The following PCDHA11 variants were observed in gnomAD, a reference collection of about 807,000 sequenced individuals.
PCDHA11 encodes protocadherin alpha 11.
In PCDHA11, 61 loss-of-function variants were observed where a neutral mutation model predicts 70.3. That is an observed-to-expected ratio of 0.87 (90% CI 0.71 to 1.07). The LOEUF (loss-of-function observed/expected upper bound fraction) is 1.07. Among genes scored for constraint, PCDHA11 ranks in the 50% least tolerant of loss-of-function variants. PCDHA11 has a pLI of 0.00. For synonymous variants in PCDHA11, 633 were observed against 555.1 expected (o/e 1.14, Z -1.97); for missense variants, 1,324 against 1,237.5 (o/e 1.07, Z -1.05).
intron 1 of PCDHA11, chr5:140,877,542 A>G (rs782391639): frequency 1.9e-6 from 3 of 1,613,752 alleles, no homozygotes; most frequent in Non-Finnish European, 2.5e-6. Flanking sequence ...TGGATCCCGA[A>G]GCGGCTCTGG....
At chr5:140,874,154 C>A (rs1554167062) in intron 1 of PCDHA11, among the ~76,000 whole-genome samples, 1 of 152,102 alleles carries the variant, frequency 6.6e-6, no homozygotes, top group African/African-American at 2.4e-5. Flanking sequence ...TAGAGCCATT[C>A]TTGGTTACTC....
At chr5:140,884,938 G>A (rs2060412389) in intron 1 of PCDHA11, among the ~76,000 whole-genome samples, 1 of 152,106 alleles carries the variant, frequency 6.6e-6, no homozygotes, top group African/African-American at 2.4e-5. Context: ...TCTTGCAATT[G>A]AGCATTTACA....
rs1455444799 is a variant in PCDHA11, at chr5:140,876,953, T to C, written c.2391+5459T>C. On this transcript the variant is annotated intron_variant, in intron 1 of 3. Coordinates refer to ENST00000398640, the MANE Select transcript of PCDHA11 (RefSeq NM_018902.5). ...AAGAACGCGCTGGTGTCCTACTCGCTGGTGGAGCGGCGGGTGGGCGAGCAC... is the reference window on the plus strand; with the variant it reads ...AAGAACGCGCTGGTGTCCTACTCGCCGGTGGAGCGGCGGGTGGGCGAGCAC... The C allele has an allele frequency of 1.1e-5, 17 of 1,613,306 alleles. No homozygotes were observed. Among genetic ancestry groups the C allele is most frequent in the Non-Finnish European group, 1.4e-5 (17 of 1,179,866 alleles).
intron 3 of PCDHA11, among the ~76,000 whole-genome samples, chr5:140,986,896 A>G (rs1221599593): frequency 2.6e-5 from 4 of 152,184 alleles, no homozygotes; most frequent in African/African-American, 4.8e-5. Context: ...CTTAGGCCCT[A>G]TCCTAGACTA....
chr5:140,939,967 C>T (rs527732118), intron 1 of PCDHA11, among the ~76,000 whole-genome samples: 8 of 152,210 alleles, frequency 5.3e-5, no homozygotes, highest in African/African-American at 1.7e-4. Context: ...AAGTGTTCCA[C>T]GATGAATAGT....
At chr5:140,982,237 G>T (rs2096973071) in intron 2 of PCDHA11, 1 of 665,404 alleles carries the variant, frequency 1.5e-6, no homozygotes, top group East Asian at 3.5e-5. Context: ...AAACAGAATT[G>T]CCATAAAGAT....
intron 1 of PCDHA11, chr5:140,884,247 C>T: frequency 6.2e-7 from 1 of 1,613,398 alleles, no homozygotes. Context: ...CCCGCGCTGA[C>T]GGCCACGGCA....
chr5:140,928,616 G>A, intron 1 of PCDHA11: 2 of 1,614,226 alleles, frequency 1.2e-6, no homozygotes, highest in Non-Finnish European at 8.5e-7. Flanking sequence ...CGCTCTGCCA[G>A]GACTGGACAC....
chr5:141,007,084 AAG>A lies in PCDHA11; in HGVS notation c.2540-2538_2540-2537del, dbSNP rs576927752. On this transcript the variant is annotated intron_variant, in intron 3 of 3. Transcript: ENST00000398640. ...AGGAGAGAGTGAAGAGAAAATAGAG[AAG>A]AGAGTCTAGGGCCAAACCCAAGGAA... Among the ~76,000 whole-genome samples, 32 of 152,274 alleles carry A rather than the reference AAG, an allele frequency of 2.1e-4. No individual in the cohort carries two copies. The East Asian group carries it at 3.3e-3, about 16-fold the overall frequency.
intron 1 of PCDHA11, among the ~76,000 whole-genome samples, chr5:140,977,960 A>G (rs760810328): frequency 9.2e-5 from 14 of 152,142 alleles, no homozygotes; most frequent in Non-Finnish European, 1.3e-4. Flanking sequence ...GGCCACCTCA[A>G]TCTCCGCCCA....
At chr5:140,921,750 C>T (rs2080373281) in intron 1 of PCDHA11, among the ~76,000 whole-genome samples, 2 of 152,056 alleles carry the variant, frequency 1.3e-5, no homozygotes, top group African/African-American at 4.8e-5. Context: ...CATAACAGGA[C>T]ACTTCTTGGC....
In PCDHA11 at chr5:140,928,021, T is replaced by G. The variant is rs1554205382; in HGVS notation, c.2392-50928T>G. ...CCTCGATTCTAATGGTAGGGTCATT[T>G]GTGGCATGTCTAGTGCAGGCCCTTT... On this transcript the variant is annotated intron_variant, in intron 1 of 3. Coordinates refer to ENST00000398640, the MANE Select transcript of PCDHA11 (RefSeq NM_018902.5). 3 of 1,614,220 alleles carry G rather than the reference T, an allele frequency of 1.9e-6. No individual in the cohort carries two copies. The African/African-American group carries it at 4.0e-5, about 22-fold the overall frequency.
In PCDHA11 at chr5:140,966,787, A is replaced by C. The variant is rs781920865; in HGVS notation, c.2392-12162A>C. 5.9e-5 allele frequency: 90 copies of C among 1,526,700 alleles called. No homozygotes were observed. Among genetic ancestry groups the C allele is most frequent in the Non-Finnish European group, 7.7e-5 (88 of 1,139,948 alleles). The allele number at this position is 1,526,700 out of a possible 1,614,324, so 94.6% of individuals were successfully genotyped here. On this transcript the variant is annotated intron_variant, in intron 1 of 3. Coordinates refer to ENST00000398640, the MANE Select transcript of PCDHA11 (RefSeq NM_018902.5). ...TGGCTATGGAGCAGGCGGGCACCAG[A>C]CCTGCGGCGACAGAGCATCCACGGC...
rs782044159 is a variant in PCDHA11 at position 140,883,367 on chromosome 5, G to T, written c.2391+11873G>T. On this transcript the variant is annotated intron_variant, in intron 1 of 3. Transcript: ENST00000398640. Reference sequence around the variant, plus strand: ...CATCAGAGAAGACACTCAGCCTAGCGCCATTATTGCCCTAATCAGTGTGTC... The same window carrying T: ...CATCAGAGAAGACACTCAGCCTAGCTCCATTATTGCCCTAATCAGTGTGTC... The T allele has an allele frequency of 5.6e-6, 9 of 1,614,006 alleles. No homozygotes were observed. Among genetic ancestry groups the T allele is most frequent in the Non-Finnish European group, 7.6e-6 (9 of 1,180,038 alleles).
intron 1 of PCDHA11, among the ~76,000 whole-genome samples, chr5:140,880,929 A>T (rs2058535682): frequency 6.6e-6 from 1 of 152,232 alleles, no homozygotes; most frequent in African/African-American, 2.4e-5. Flanking sequence ...TATGTTAGTA[A>T]AAGTAATGGA....
chr5:140,928,893 T>C (rs1554206469), intron 1 of PCDHA11: 1 of 1,614,052 alleles, frequency 6.2e-7, no homozygotes, highest in African/African-American at 1.3e-5. Flanking sequence ...TTCCAGACTT[T>C]GAAGATGTCT....
intron 1 of PCDHA11, among the ~76,000 whole-genome samples, chr5:140,953,512 C>G (rs2094896275): frequency 6.6e-6 from 1 of 152,106 alleles, no homozygotes; most frequent in Non-Finnish European, 1.5e-5. Context: ...TAGGCCAAAG[C>G]AACAAAAACG....
At chr5:140,896,882 T>C (rs1345268084) in intron 1 of PCDHA11, among the ~76,000 whole-genome samples, 1 of 152,198 alleles carries the variant, frequency 6.6e-6, no homozygotes. Flanking sequence ...TTATGGGGTA[T>C]ATGAGACATT....
At position 140,876,601 on chromosome 5, in the gene PCDHA11, C is replaced by A. The variant is rs143847585; in HGVS notation, c.2391+5107C>A. The A allele has an allele frequency of 2.5e-4, 409 of 1,614,152 alleles. No individual in the cohort carries two copies. The highest frequency in any genetic ancestry group is 3.3e-4 in the Non-Finnish European group (387 of 1,180,034). ...CATTGCCCTGATTAGCGTGTCGGAT[C>A]GTGACTCTGGAGCCAATGGACAGGT... On this transcript the variant is annotated intron_variant, in intron 1 of 3. Coordinates refer to ENST00000398640, the MANE Select transcript of PCDHA11 (RefSeq NM_018902.5).
Sources: allele counts gnomAD v4.1 joint callset (sites outside exome capture counted in the v4.1 genomes callset), GRCh38; gene constraint gnomAD v4.1.1; transcripts MANE v1.5; gene names NCBI Gene and HGNC (gene_info 2026-07-23, HGNC 2026-07-21).